The following NCS1 variants were observed in gnomAD, a reference collection of about 807,000 sequenced individuals.
The protein encoded by NCS1 is neuronal calcium sensor 1.
Under a neutral mutation model 28.4 loss-of-function variants are expected in NCS1, and 6 were observed. That is an observed-to-expected ratio of 0.21 (90% CI 0.12 to 0.42). The LOEUF (loss-of-function observed/expected upper bound fraction) is 0.42, where lower values mean the gene tolerates loss of function less well. Ranked by LOEUF, NCS1 falls within the 10% of genes least tolerant of loss-of-function variation. The probability of loss-of-function intolerance (pLI) is 1.00; values close to 1 mark genes in which losing one functional copy is unlikely to be tolerated. For missense variants in NCS1, 131 were observed against 241.4 expected (o/e 0.54, Z 3.03); for synonymous variants, 86 against 99.3 (o/e 0.87, Z 0.79).
In NCS1 at chr9:130,219,888, G is replaced by C. The variant is rs1420643811; in HGVS notation, c.307+85G>C. 2.8e-6 allele frequency: 4 copies of C among 1,411,922 alleles called. No individual in the cohort carries two copies. The highest frequency in any genetic ancestry group is 4.0e-6 in the Non-Finnish European group (4 of 1,002,020). 87.5% of individuals were successfully genotyped at this position (1,411,922 alleles called of 1,614,324 possible). On this transcript the variant is annotated intron_variant, in intron 4 of 7. Coordinates refer to ENST00000372398, the MANE Select transcript of NCS1 (RefSeq NM_014286.4). The surrounding 1 kb of genome is among the most constrained non-coding windows in gnomAD (Gnocchi z 5.7). The stretch of plus-strand genomic sequence containing the variant: ...GCAGCCCTCGGCCCTCACCAGGCAG[G>C]GGTGCCAGACACCCACTGCAGTGAC...
chr9:130,206,705 C>G (rs117321431), intron 2 of NCS1, among the ~76,000 whole-genome samples: 2 of 152,094 alleles, frequency 1.3e-5, no homozygotes, highest in Non-Finnish European at 2.9e-5. Flanking sequence ...CCACCGCGCC[C>G]GGCCCCGTTC....
chr9:130,218,926 C>G (rs955400147), intron 3 of NCS1, among the ~76,000 whole-genome samples: 1 of 152,096 alleles, frequency 6.6e-6, no homozygotes, highest in Admixed American at 6.6e-5. Context: ...CTTACAAGCA[C>G]CTGGGAGCTG....
intron 2 of NCS1, among the ~76,000 whole-genome samples, chr9:130,202,097 G>A (rs991467043): frequency 2.6e-5 from 4 of 152,306 alleles, no homozygotes; most frequent in Admixed American, 1.3e-4. Context: ...CATGCCAGGC[G>A]TCTGCCACCC....
chr9:130,199,732 G>A (rs912777643), intron 1 of NCS1, among the ~76,000 whole-genome samples: 1 of 152,218 alleles, frequency 6.6e-6, no homozygotes, highest in Non-Finnish European at 1.5e-5. Context: ...CAGCTGTTGC[G>A]AGCTTGCTTT....
intron 1 of NCS1, among the ~76,000 whole-genome samples, chr9:130,198,857 G>A (rs1832907236): frequency 6.6e-6 from 1 of 152,082 alleles, no homozygotes; most frequent in South Asian, 2.1e-4. Context: ...GTGTCTCCAG[G>A]TTTGGGCTTT....
Position 130,186,536 on chromosome 9 carries a change from C to T in NCS1, c.64+13809C>T, listed in dbSNP as rs1832740379. Among the ~76,000 whole-genome samples, 1 of 152,078 alleles carries T rather than the reference C, an allele frequency of 6.6e-6. No individual in the cohort carries two copies. Among genetic ancestry groups the T allele is most frequent in the African/African-American group, 2.4e-5 (1 of 41,410 alleles). On this transcript the variant is annotated intron_variant, in intron 1 of 7. Transcript: ENST00000372398. This position sits in a 1 kb window ranked among gnomAD's most constrained non-coding sequence, Gnocchi z 4.1. ...GTTTGTGTGGGGGACGATGAGAGTG[C>T]TTCAGGCAGCAGGAACAGCATGTTC... is the stretch of plus-strand genomic sequence containing the variant.
rs1564700779 is a variant in NCS1 at position 130,176,182 on chromosome 9, C to CTTTCTTTCTTTCTTTCTT, written c.64+3470_64+3471insCTTTTTCTTTCTTTCTTT. Among the ~76,000 whole-genome samples the CTTTCTTTCTTTCTTTCTT allele has an allele frequency of 4.6e-4, 28 of 61,092 alleles. 1 individual carries two copies. The highest frequency in any genetic ancestry group is 6.1e-4 in the Non-Finnish European group (24 of 39,494). The allele number at this position is 61,092 out of a possible 152,430, so 40.1% of individuals were successfully genotyped here. On this transcript the variant is annotated intron_variant, in intron 1 of 7. Coordinates refer to ENST00000372398, the MANE Select transcript of NCS1 (RefSeq NM_014286.4). ...TCTTTCTTTCTTTCTTTCTTTCTTT[C>CTTTCTTTCTTTCTTTCTT]TTTCTTTCTTTCTTTTTTTTTTTTT...
At chr9:130,189,467 C>A (rs1554905994) in intron 1 of NCS1, among the ~76,000 whole-genome samples, 1 of 152,092 alleles carries the variant, frequency 6.6e-6, no homozygotes, top group Non-Finnish European at 1.5e-5. Flanking sequence ...GATCCGGATC[C>A]CTGAGTGCCG....
chr9:130,218,179 ATGCATGCACATGTG>A (rs1833217272), intron 3 of NCS1, among the ~76,000 whole-genome samples: 1 of 152,232 alleles, frequency 6.6e-6, no homozygotes, highest in Non-Finnish European at 1.5e-5. Context: ...ATGCATCCAA[ATGCATGCACATGTG>A]TGCACACATA....
chr9:130,210,129 G>A (rs1264507223), intron 2 of NCS1, among the ~76,000 whole-genome samples: 1 of 152,020 alleles, frequency 6.6e-6, no homozygotes, highest in Non-Finnish European at 1.5e-5. Context: ...GGCCAGGCGC[G>A]ATGGCTCACA....
intron 1 of NCS1, among the ~76,000 whole-genome samples, chr9:130,188,478 A>G (rs1832769360): frequency 1.8e-5 from 1 of 57,070 alleles, no homozygotes; most frequent in East Asian, 7.5e-4. Flanking sequence ...GCTGGAGTGC[A>G]ATGGCTCGAT....
chr9:130,205,936 G>A (rs1833018791), intron 2 of NCS1, among the ~76,000 whole-genome samples: 2 of 152,072 alleles, frequency 1.3e-5, no homozygotes, highest in South Asian at 4.1e-4. Context: ...CATTTTGGCA[G>A]TACCTTGAAG....
chr9:130,226,355 C>A lies in NCS1; in HGVS notation c.475-34C>A. 1.3e-6 allele frequency: 2 copies of A among 1,576,848 alleles called. No individual in the cohort carries two copies. The highest frequency in any genetic ancestry group is 2.2e-5 in the South Asian group (2 of 90,176). On this transcript the variant is annotated intron_variant, in intron 6 of 7. Transcript: ENST00000372398. This position sits in a 1 kb window ranked among gnomAD's most constrained non-coding sequence, Gnocchi z 4.8. ...TTGTCTAGAGCCCTCTCCTGGGAGG[C>A]CCTGCACCCTCAGCCGCCTCTCTCT...
rs1833082074 is a variant in NCS1 at position 130,209,537 on chromosome 9, TGC to T, written c.90-8294_90-8293del. Among the ~76,000 whole-genome samples the T allele has an allele frequency of 1.3e-5, 2 of 152,144 alleles. No individual in the cohort carries two copies. Among genetic ancestry groups the T allele is most frequent in the Non-Finnish European group, 2.9e-5 (2 of 68,030 alleles). Reference sequence around the variant, plus strand: ...GAGCACCTACTCTATGCCAGGCCAGTGCCGGTTGCGGGCGGGCATCCGGGACT... The same window carrying T: ...GAGCACCTACTCTATGCCAGGCCAGTCGGTTGCGGGCGGGCATCCGGGACT... On this transcript the variant is annotated intron_variant, in intron 2 of 7. Coordinates refer to ENST00000372398, the MANE Select transcript of NCS1 (RefSeq NM_014286.4). This position sits in a 1 kb window ranked among gnomAD's most constrained non-coding sequence, Gnocchi z 4.4.
rs782254771 is a variant in NCS1 at position 130,226,080 on chromosome 9, C to A, written c.475-309C>A. Reference sequence around the variant, plus strand: ...GGGTTTAATAGCATTAACCATGACACGTGTGGAGTTACAGGGCACTTCCAG... The same window carrying A: ...GGGTTTAATAGCATTAACCATGACAAGTGTGGAGTTACAGGGCACTTCCAG... On this transcript the variant is annotated intron_variant, in intron 6 of 7. Coordinates refer to ENST00000372398, the MANE Select transcript of NCS1 (RefSeq NM_014286.4). This position sits in a 1 kb window ranked among gnomAD's most constrained non-coding sequence, Gnocchi z 4.8. Among the ~76,000 whole-genome samples, 1 of 152,222 alleles carries A rather than the reference C, an allele frequency of 6.6e-6. No individual in the cohort carries two copies. Among genetic ancestry groups the A allele is most frequent in the Non-Finnish European group, 1.5e-5 (1 of 68,038 alleles).
intron 1 of NCS1, among the ~76,000 whole-genome samples, chr9:130,198,312 C>T (rs906683511): frequency 6.6e-6 from 1 of 152,106 alleles, no homozygotes; most frequent in African/African-American, 2.4e-5. Context: ...TGCTGGGAGA[C>T]ATGGGTGGGG....
chr9:130,203,107 TGTGTGC>T (rs1832978426), intron 2 of NCS1, among the ~76,000 whole-genome samples: 1 of 148,000 alleles, frequency 6.8e-6, no homozygotes, highest in African/African-American at 2.5e-5. Flanking sequence ...TATGTGTGTG[TGTGTGC>T]GTGTGTATGT....
chr9:130,231,040 T>A (rs185327475), intron 7 of NCS1, among the ~76,000 whole-genome samples: 1 of 152,082 alleles, frequency 6.6e-6, no homozygotes, highest in South Asian at 2.1e-4. Context: ...CCCATTGTAA[T>A]AGGTTGATAG....
intron 2 of NCS1, among the ~76,000 whole-genome samples, chr9:130,210,549 G>T (rs2131143924): frequency 6.6e-6 from 1 of 152,246 alleles, no homozygotes; most frequent in Non-Finnish European, 1.5e-5. Context: ...TCTGGTGTTT[G>T]TGGAGGTCGT....
Sources: gnomAD v4.1 joint callset for allele counts (sites outside exome capture counted in the v4.1 genomes callset) on GRCh38, gnomAD v4.1.1 for gene constraint, Gnocchi (gnomAD v3.1) non-coding constraint, MANE v1.5 for transcripts, NCBI Gene and HGNC (gene_info 2026-07-23, HGNC 2026-07-21) for gene names.